The following GPD2 variants were observed in gnomAD, a reference collection of about 807,000 sequenced individuals.
GPD2 encodes glycerol-3-phosphate dehydrogenase 2, also known as glycerol-3-phosphate dehydrogenase, mitochondrial.
Under a neutral mutation model 82.4 loss-of-function variants are expected in GPD2, and 54 were observed. The observed-to-expected ratio is 0.66, with a 90% CI of 0.53 to 0.82. The LOEUF (loss-of-function observed/expected upper bound fraction) is 0.82. Ranked by LOEUF, GPD2 falls within the 40% of genes least tolerant of loss-of-function variation. The pLI is 0.00. For missense variants in GPD2, 748 were observed against 896.2 expected (o/e 0.83, Z 2.11); for synonymous variants, 288 against 306.1 (o/e 0.94, Z 0.62).
intron 3 of GPD2, among the ~76,000 whole-genome samples, chr2:156,498,475 G>A (rs1408243207): frequency 1.3e-5 from 2 of 152,188 alleles, no homozygotes; most frequent in Non-Finnish European, 2.9e-5. Context: ...AAGTGTTCCA[G>A]TCTGAGAAAA....
chr2:156,404,234 AT>A, the GPD2 span, among the ~76,000 whole-genome samples: 1 of 152,066 alleles, frequency 6.6e-6, no homozygotes, highest in Non-Finnish European at 1.5e-5. Context: ...TTAAAAAAAA[AT>A]TACCCAGGTG....
chr2:156,424,502 A>G, the GPD2 span, among the ~76,000 whole-genome samples: 1 of 152,200 alleles, frequency 6.6e-6, no homozygotes, highest in Non-Finnish European at 1.5e-5. Flanking sequence ...AAAGTGGTAG[A>G]GGCCAGTCAG....
At chr2:156,472,702 T>C (rs1683375744) in intron 1 of GPD2, among the ~76,000 whole-genome samples, 1 of 152,214 alleles carries the variant, frequency 6.6e-6, no homozygotes, top group South Asian at 2.1e-4. Flanking sequence ...CCTTGGAGAT[T>C]AACCCAAATG....
rs987054104 is a variant in GPD2 at position 156,585,074 on chromosome 2, C to A, written c.*2156C>A. The stretch of plus-strand genomic sequence containing the variant: ...CATATCTGCTTTTACTTTAAATCTG[C>A]TAATTTCTAAAATGTAGAGTCCTTC... On this transcript the variant is annotated 3_prime_UTR_variant, in exon 17 of 17. Transcript: ENST00000438166. 6.6e-6 allele frequency: 1 copy of A among 151,914 alleles called. No individual in the cohort carries two copies. Among genetic ancestry groups the A allele is most frequent in the African/African-American group, 2.4e-5 (1 of 41,382 alleles). The allele number at this position is 151,914 out of a possible 1,614,324, so 9.4% of individuals were successfully genotyped here. A position where few individuals can be genotyped will look rare whatever the true frequency, so the allele number is the denominator to read the frequency against.
intron 3 of GPD2, among the ~76,000 whole-genome samples, chr2:156,497,004 T>G (rs1221088813): frequency 1.3e-5 from 2 of 152,184 alleles, no homozygotes; most frequent in South Asian, 4.1e-4. Context: ...AAACGAGACA[T>G]GTAATGAAAG....
intron 6 of GPD2, among the ~76,000 whole-genome samples, chr2:156,530,611 A>T (rs143602549): frequency 1.2e-3 from 177 of 151,720 alleles, no homozygotes; most frequent in African/African-American, 4.2e-3. Flanking sequence ...TTCCATCAAT[A>T]CCTAATTTAT....
intron 6 of GPD2, among the ~76,000 whole-genome samples, chr2:156,543,283 T>C (rs1414453381): frequency 3.3e-5 from 5 of 152,198 alleles, no homozygotes; most frequent in Admixed American, 3.3e-4. Flanking sequence ...CTTGAGCACA[T>C]TTCCTTTATT....
intron 8 of GPD2, among the ~76,000 whole-genome samples, 164 bp downstream of exon 8, chr2:156,550,910 C>CT (rs1055548394): frequency 7.2e-5 from 11 of 152,228 alleles, no homozygotes; most frequent in Admixed American, 7.2e-4. Flanking sequence ...ACAAACCAGA[C>CT]TTGGGAAGTT....
At chr2:156,474,417 C>A (rs1683434092) in intron 1 of GPD2, among the ~76,000 whole-genome samples, 1 of 152,004 alleles carries the variant, frequency 6.6e-6, no homozygotes, top group Non-Finnish European at 1.5e-5. Flanking sequence ...TAAGTTAAAA[C>A]TACCTTCATA....
chr2:156,467,099 A>G (rs1485456274), intron 1 of GPD2, among the ~76,000 whole-genome samples: 1 of 147,100 alleles, frequency 6.8e-6, no homozygotes, highest in African/African-American at 2.5e-5. Context: ...TTGTTTCATG[A>G]TTTTTTTTTT....
intron 2 of GPD2, among the ~76,000 whole-genome samples, chr2:156,482,371 ACT>A (rs1239723645): frequency 1.3e-5 from 2 of 152,014 alleles, no homozygotes; most frequent in Non-Finnish European, 2.9e-5. Context: ...TGAATTTCCC[ACT>A]GTTTCTTTCT....
At chr2:156,539,103 G>A (rs1236332429) in intron 6 of GPD2, among the ~76,000 whole-genome samples, 1 of 152,076 alleles carries the variant, frequency 6.6e-6, no homozygotes, top group Non-Finnish European at 1.5e-5. Flanking sequence ...TTATGATTGA[G>A]GTATTAAATA....
chr2:156,502,336 CAAAAGATGT>C (rs1684616408), intron 3 of GPD2, among the ~76,000 whole-genome samples: 1 of 151,886 alleles, frequency 6.6e-6, no homozygotes, highest in African/African-American at 2.4e-5. Context: ...GTATCCATGG[CAAAAGATGT>C]AAAAGCAAAA....
chr2:156,473,706 G>A (rs1295200218), intron 1 of GPD2: 1 of 152,232 alleles, frequency 6.6e-6, no homozygotes, highest in Non-Finnish European at 1.5e-5. Flanking sequence ...TTAGCCTTGA[G>A]ATAGCATGCT....
At chr2:156,536,594 A>G (rs1686091131) in intron 6 of GPD2, among the ~76,000 whole-genome samples, 1 of 152,188 alleles carries the variant, frequency 6.6e-6, no homozygotes, top group African/African-American at 2.4e-5. Context: ...ATGCCTGCTA[A>G]AAGGTTTCTT....
intron 1 of GPD2, among the ~76,000 whole-genome samples, chr2:156,467,546 TTG>T (rs1357634473): frequency 6.6e-6 from 1 of 152,206 alleles, no homozygotes; most frequent in Non-Finnish European, 1.5e-5. Context: ...ATTGTTGTGT[TTG>T]TGTGTTTTTG....
intron 1 of GPD2, among the ~76,000 whole-genome samples, chr2:156,454,527 C>T (rs1161686055): frequency 6.6e-6 from 1 of 151,952 alleles, no homozygotes; most frequent in Non-Finnish European, 1.5e-5. Context: ...CCAAGCTTCT[C>T]TTTATATGAT....
At chr2:156,419,695 G>C in the GPD2 span, among the ~76,000 whole-genome samples, 1 of 152,144 alleles carries the variant, frequency 6.6e-6, no homozygotes, top group Non-Finnish European at 1.5e-5. Context: ...ATGTGGTTGA[G>C]TTTGCATTTA....
intron 6 of GPD2, among the ~76,000 whole-genome samples, chr2:156,524,210 T>G (rs575170945): frequency 6.7e-6 from 1 of 150,348 alleles, no homozygotes; most frequent in South Asian, 2.1e-4. Flanking sequence ...TTCCAGTCCC[T>G]TTTTTTGTTT....
Sources: gnomAD v4.1 joint callset for allele counts (sites outside exome capture counted in the v4.1 genomes callset) on GRCh38, gnomAD v4.1.1 for gene constraint, MANE v1.5 for transcripts, NCBI Gene and HGNC (gene_info 2026-07-23, HGNC 2026-07-21) for gene names.